GRID2: variants seen among roughly 807,000 people sequenced by gnomAD.
The protein encoded by GRID2 is glutamate ionotropic receptor delta type subunit 2.
GRID2 carries 33 observed loss-of-function variants against 114.8 expected under a neutral mutation model. That is an observed-to-expected ratio of 0.29 (90% CI 0.22 to 0.38). The LOEUF (loss-of-function observed/expected upper bound fraction) is 0.38, where lower values mean the gene tolerates loss of function less well. Among genes scored for constraint, GRID2 ranks in the 10% least tolerant of loss-of-function variants. The probability of loss-of-function intolerance (pLI) is 1.00; values close to 1 mark genes in which losing one functional copy is unlikely to be tolerated. For synonymous variants in GRID2, 505 were observed against 449.9 expected, an observed-to-expected ratio of 1.12 and a Z score of -1.55; for missense variants, 1,184 against 1,257.7, an observed-to-expected ratio of 0.94 and a Z score of 0.89.
At chr4:92,358,807 T>C (rs1013442581) in intron 1 of GRID2, among the ~76,000 whole-genome samples, 1 of 151,872 alleles carries the variant, frequency 6.6e-6, no homozygotes, top group African/African-American at 2.4e-5. Context: ...TTAGAATATA[T>C]ATTCTAATAT....
In GRID2 at chr4:92,572,026, C is replaced by G. The variant is rs1174973545; in HGVS notation, c.89-18105C>G. 1.1e-4 allele frequency among the ~76,000 whole-genome samples: 17 copies of G among 152,094 alleles called. No individual in the cohort carries two copies. The South Asian group carries it at 3.5e-3, about 32-fold the overall frequency. On this transcript the variant is annotated intron_variant, in intron 1 of 15. Coordinates refer to ENST00000282020, the MANE Select transcript of GRID2 (RefSeq NM_001510.4). The stretch of plus-strand genomic sequence containing the variant: ...AAAGCTAGCAGAAAGCAAGAAATAA[C>G]TAAGATCAGAGCAGAACTGAAGGAA...
At chr4:93,724,312 G>A (rs1197570948) in intron 14 of GRID2, among the ~76,000 whole-genome samples, 6 of 152,152 alleles carry the variant, frequency 3.9e-5, no homozygotes, top group African/African-American at 1.4e-4. Flanking sequence ...TGGGAAGGAA[G>A]ATAGACTAGG....
rs564542595 is a variant in GRID2 at position 93,731,437 on chromosome 4, G to A, written c.2361-37773G>A. ...TGAAGATGTTGGTGACAATGAGAAC[G>A]TGTGTGCAGCTGATGAAGATACATG... On this transcript the variant is annotated intron_variant, in intron 14 of 15. Transcript: ENST00000282020. Among the ~76,000 whole-genome samples the A allele has an allele frequency of 1.8e-3, 273 of 152,304 alleles. 3 individuals carry two copies. The highest frequency in any genetic ancestry group is 2.8e-3 in the Admixed American group (43 of 15,306).
At chr4:93,062,230 C>A (rs1369688462) in intron 2 of GRID2, among the ~76,000 whole-genome samples, 1 of 152,044 alleles carries the variant, frequency 6.6e-6, no homozygotes, top group Admixed American at 6.6e-5. Flanking sequence ...TATGCTGTAT[C>A]TTTAACTTGG....
At chr4:92,675,149 G>A (rs6853303) in intron 2 of GRID2, among the ~76,000 whole-genome samples, 9,286 of 152,162 alleles carry the variant, frequency 0.061, 341 homozygotes, top group East Asian at 0.16. Flanking sequence ...CTTTGTTAGA[G>A]CACTATTACT....
At chr4:93,369,109 C>G (rs1220227425) in intron 8 of GRID2, among the ~76,000 whole-genome samples, 1 of 152,124 alleles carries the variant, frequency 6.6e-6, no homozygotes, top group Non-Finnish European at 1.5e-5. Context: ...CAAAAGTTCA[C>G]AAGCAAGGTA....
At chr4:92,836,648 G>A (rs1230411966) in intron 2 of GRID2, among the ~76,000 whole-genome samples, 1 of 152,094 alleles carries the variant, frequency 6.6e-6, no homozygotes, top group African/African-American at 2.4e-5. Context: ...TCAAGGAAAA[G>A]GATTTTGGTG....
At chr4:93,798,670 T>C (rs918170851) in intron 1 of GRID2, among the ~76,000 whole-genome samples, 3 of 152,236 alleles carry the variant, frequency 2.0e-5, no homozygotes, top group Admixed American at 2.0e-4. Flanking sequence ...AGTGCTCTTA[T>C]GTGTTATTGA....
chr4:93,756,863 A>G (rs1732793623), intron 14 of GRID2, among the ~76,000 whole-genome samples: 1 of 152,268 alleles, frequency 6.6e-6, no homozygotes, highest in South Asian at 2.1e-4. Flanking sequence ...ATAGGATGAA[A>G]TACATATTTT....
chr4:93,705,915 A>G (rs1178279736), intron 14 of GRID2, among the ~76,000 whole-genome samples: 1 of 152,148 alleles, frequency 6.6e-6, no homozygotes, highest in African/African-American at 2.4e-5. Flanking sequence ...CAGTTTTCCC[A>G]GCACCATTTA....
chr4:92,327,165 G>T (rs555145009), intron 1 of GRID2, among the ~76,000 whole-genome samples: 1 of 151,874 alleles, frequency 6.6e-6, no homozygotes, highest in South Asian at 2.1e-4. Context: ...TAATTTTAAG[G>T]TAGCTTTTGC....
chr4:92,842,397 TAATA>T (rs1471909125), intron 2 of GRID2, among the ~76,000 whole-genome samples: 7 of 152,146 alleles, frequency 4.6e-5, no homozygotes, highest in African/African-American at 1.7e-4. Context: ...TTTACATCAT[TAATA>T]AATAACATTT....
At chr4:93,675,590 C>T (rs562405401) in intron 14 of GRID2, among the ~76,000 whole-genome samples, 1 of 152,272 alleles carries the variant, frequency 6.6e-6, no homozygotes, top group Admixed American at 6.5e-5. Context: ...AGTTGAGTAA[C>T]TTACCTGAGG....
chr4:93,499,427 T>G (rs1472181375), intron 12 of GRID2, among the ~76,000 whole-genome samples: 3 of 151,950 alleles, frequency 2.0e-5, no homozygotes, highest in African/African-American at 4.8e-5. Context: ...GCAAAGCATA[T>G]TGAGCCCTTC....
chr4:93,233,046 G>A (rs186503025), intron 7 of GRID2, among the ~76,000 whole-genome samples: 32 of 152,136 alleles, frequency 2.1e-4, no homozygotes, highest in Non-Finnish European at 4.1e-4. Flanking sequence ...AAGTGGAAAC[G>A]TTTAGGCTAA....
At chr4:93,026,431 T>G (rs1352917135) in intron 2 of GRID2, among the ~76,000 whole-genome samples, 2 of 151,890 alleles carry the variant, frequency 1.3e-5, no homozygotes, top group Admixed American at 6.6e-5. Flanking sequence ...GGAAACAATT[T>G]TGTATCCTGA....
chr4:92,377,170 C>A (rs1729394823), intron 1 of GRID2, among the ~76,000 whole-genome samples: 1 of 152,106 alleles, frequency 6.6e-6, no homozygotes, highest in South Asian at 2.1e-4. Flanking sequence ...AACTAAATGT[C>A]CTTAACAGCA....
intron 1 of GRID2, among the ~76,000 whole-genome samples, chr4:92,552,301 T>C (rs1259444001): frequency 6.6e-6 from 1 of 150,632 alleles, no homozygotes; most frequent in East Asian, 1.9e-4. Flanking sequence ...ATAGAAACTT[T>C]GTGAACATTA....
At chr4:92,535,995 C>A (rs1414106594) in intron 1 of GRID2, among the ~76,000 whole-genome samples, 8 of 152,116 alleles carry the variant, frequency 5.3e-5, no homozygotes, top group Non-Finnish European at 1.2e-4. Context: ...TGTTATAGCT[C>A]ATTGTTACAG....
Sources: gnomAD v4.1 joint callset for allele counts (sites outside exome capture counted in the v4.1 genomes callset) on GRCh38, gnomAD v4.1.1 for gene constraint, MANE v1.5 for transcripts, NCBI Gene and HGNC (gene_info 2026-07-23, HGNC 2026-07-21) for gene names.